The following SMG6 variants were observed in gnomAD, a reference collection of about 807,000 sequenced individuals.
The protein encoded by SMG6 is SMG6 nonsense mediated mRNA decay factor, also known as telomerase-binding protein EST1A.
Under a neutral mutation model 142.2 loss-of-function variants are expected in SMG6, and 66 were observed. That is an observed-to-expected ratio of 0.46 (90% confidence interval 0.38 to 0.57). SMG6 has a LOEUF of 0.57. Ranked by LOEUF, SMG6 falls within the 20% of genes least tolerant of loss-of-function variation. The pLI is 0.00. For synonymous variants in SMG6, 779 were observed against 702.4 expected, an observed-to-expected ratio of 1.11 and a Z score of -1.72; for missense variants, 1,793 against 1,832.0, an observed-to-expected ratio of 0.98 and a Z score of 0.39.
intron 15 of SMG6, among the ~76,000 whole-genome samples, chr17:2,069,989 C>T (rs2068056215): frequency 6.6e-6 from 1 of 152,218 alleles, no homozygotes; most frequent in Admixed American, 6.5e-5. Context: ...CATATGCTTA[C>T]TAGTGCAAGC....
chr17:2,194,088 G>A (rs1567673226), intron 10 of SMG6, among the ~76,000 whole-genome samples: 1 of 152,192 alleles, frequency 6.6e-6, no homozygotes, highest in South Asian at 2.1e-4. Flanking sequence ...ACCATGCTCG[G>A]CCAGAAGAGA....
chr17:2,243,389 G>A (rs1344807143), intron 9 of SMG6, among the ~76,000 whole-genome samples: 1 of 152,128 alleles, frequency 6.6e-6, no homozygotes, highest in South Asian at 2.1e-4. Context: ...TCCACTAAGA[G>A]AGCCTTCTAG....
At chr17:2,088,181 C>G in intron 13 of SMG6, 2 of 985,392 alleles carry the variant, frequency 2.0e-6, no homozygotes, top group Non-Finnish European at 2.4e-6. Flanking sequence ...CACAGACAGG[C>G]GGGCAGGAGT....
At chr17:2,230,186 C>CAA (rs1184138967) in intron 10 of SMG6, among the ~76,000 whole-genome samples, 8 of 8,168 alleles carry the variant, frequency 9.8e-4, no homozygotes, top group Non-Finnish European at 1.8e-3. Flanking sequence ...ACTCCGTCTC[C>CAA]AAAAAAAAAA....
At chr17:2,075,259 G>C (rs890533752) in intron 15 of SMG6, among the ~76,000 whole-genome samples, 3 of 143,758 alleles carry the variant, frequency 2.1e-5, no homozygotes, top group African/African-American at 7.6e-5. Flanking sequence ...GCTAAATTTA[G>C]AGTGGAACTC....
chr17:2,235,223 T>G (rs899243673), intron 10 of SMG6, among the ~76,000 whole-genome samples: 11 of 152,220 alleles, frequency 7.2e-5, no homozygotes, highest in African/African-American at 2.4e-4. Flanking sequence ...CAGGAAAAAT[T>G]AGCCAAGTTC....
chr17:2,279,750 A>T (rs1485921814), intron 8 of SMG6, among the ~76,000 whole-genome samples: 1 of 152,214 alleles, frequency 6.6e-6, no homozygotes, highest in African/African-American at 2.4e-5. Context: ...GCACGACTCC[A>T]GTCGCTCACA....
chr17:2,127,404 C>G (rs2069934462), intron 13 of SMG6: 1 of 711,846 alleles, frequency 1.4e-6, no homozygotes, highest in Non-Finnish European at 2.5e-6. Flanking sequence ...CTTTTCCCCC[C>G]CTCTTTAAAT....
Position 2,246,706 on chromosome 17 carries a change from G to T in SMG6, c.2662-1987C>A, listed in dbSNP as rs1297505617. Among the ~76,000 whole-genome samples, 3 of 152,332 alleles carry T rather than the reference G, an allele frequency of 2.0e-5. No individual in the cohort carries two copies. The East Asian group carries it at 5.8e-4, about 29-fold the overall frequency. On this transcript the variant is annotated intron_variant, in intron 8 of 18. Coordinates refer to ENST00000263073, the MANE Select transcript of SMG6 (RefSeq NM_017575.5). ...CATGCCTGGAATCCCAGCACTTTGGGAGGCCATGGCAGGTGGATCAATTGA... is the reference window on the plus strand; with the variant it reads ...CATGCCTGGAATCCCAGCACTTTGGTAGGCCATGGCAGGTGGATCAATTGA...
intron 10 of SMG6, among the ~76,000 whole-genome samples, chr17:2,202,396 T>A (rs1216451886): frequency 6.6e-6 from 1 of 151,390 alleles, no homozygotes; most frequent in Non-Finnish European, 1.5e-5. Flanking sequence ...CAGAAAAAAA[T>A]AAAAAATTAG....
At chr17:2,236,689 T>G (rs1475752642) in intron 9 of SMG6, 52 bp from the exon 10 acceptor site, 1 of 1,541,794 alleles carries the variant, frequency 6.5e-7, no homozygotes, top group Non-Finnish European at 8.7e-7. Flanking sequence ...TCAGTCTCTC[T>G]CTCACTCTGT....
At chr17:2,178,509 C>G (rs1028764957) in intron 12 of SMG6, among the ~76,000 whole-genome samples, 6 of 152,184 alleles carry the variant, frequency 3.9e-5, no homozygotes, top group Admixed American at 3.9e-4. Flanking sequence ...AAATCAAATT[C>G]TGAAGCTTAG....
At position 2,281,262 on chromosome 17, in the gene SMG6, A is replaced by G. The variant is rs2074779088; in HGVS notation, c.2661+1385T>C. Among the ~76,000 whole-genome samples, 3 of 152,044 alleles carry G rather than the reference A, an allele frequency of 2.0e-5. No individual in the cohort carries two copies. In the South Asian group the frequency reaches 6.2e-4, roughly 32 times the overall value. The stretch of plus-strand genomic sequence containing the variant: ...TGCCTCAGACTCCTGAGTAGCTAGA[A>G]CTAGAGGCCCGCATCACCATGCCCA... On this transcript the variant is annotated intron_variant, in intron 8 of 18. Coordinates refer to ENST00000263073, the MANE Select transcript of SMG6 (RefSeq NM_017575.5).
chr17:2,248,413 A>G (rs2073970206), intron 8 of SMG6, among the ~76,000 whole-genome samples: 1 of 152,196 alleles, frequency 6.6e-6, no homozygotes, highest in African/African-American at 2.4e-5. Flanking sequence ...TGTTTGAACC[A>G]CAACACCTCC....
intron 13 of SMG6, among the ~76,000 whole-genome samples, chr17:2,169,179 G>C (rs1037952127): frequency 6.6e-6 from 1 of 151,974 alleles, no homozygotes; most frequent in African/African-American, 2.4e-5. Flanking sequence ...TGAGGCAACA[G>C]AATCGCTTGA....
At chr17:2,064,134 A>G (rs943472851) in intron 18 of SMG6, among the ~76,000 whole-genome samples, 4 of 152,164 alleles carry the variant, frequency 2.6e-5, no homozygotes, top group African/African-American at 9.7e-5. Flanking sequence ...GCTAGAAAGA[A>G]ACACGCACAG....
At position 2,071,512 on chromosome 17, in the gene SMG6, C is replaced by T. The variant is rs1289580150; in HGVS notation, c.3682-2581G>A. On this transcript the variant is annotated intron_variant, in intron 15 of 18. Coordinates refer to ENST00000263073, the MANE Select transcript of SMG6 (RefSeq NM_017575.5). The surrounding 1 kb of genome is among the most constrained non-coding windows in gnomAD (Gnocchi z 5.6). ...GAAAGGTGAATAGGCCGCAGCCTTT[C>T]AGAGGGGGCTTCCCTGGGTGTGGGG... Among the ~76,000 whole-genome samples the T allele has an allele frequency of 6.6e-6, 1 of 152,192 alleles. No homozygotes were observed. Among genetic ancestry groups the T allele is most frequent in the African/African-American group, 2.4e-5 (1 of 41,428 alleles).
chr17:2,276,398 T>G (rs1366764463), intron 8 of SMG6, among the ~76,000 whole-genome samples: 3 of 152,194 alleles, frequency 2.0e-5, no homozygotes, highest in Admixed American at 1.3e-4. Flanking sequence ...CAAACGTTTT[T>G]TTTTTGTTTT....
intron 13 of SMG6, among the ~76,000 whole-genome samples, chr17:2,157,222 A>C (rs2071035274): frequency 6.6e-6 from 1 of 152,234 alleles, no homozygotes; most frequent in Non-Finnish European, 1.5e-5. Flanking sequence ...CAAGAGCAGA[A>C]GAAACCACAA....
Sources: allele counts gnomAD v4.1 joint callset (sites outside exome capture counted in the v4.1 genomes callset), GRCh38; gene constraint gnomAD v4.1.1; non-coding constraint Gnocchi (gnomAD v3.1); transcripts MANE v1.5; gene names NCBI Gene and HGNC (gene_info 2026-07-23, HGNC 2026-07-21).